Variants in CCDC148 observed in about 807,000 individuals in gnomAD.
CCDC148 encodes the protein coiled-coil domain containing 148, also known as coiled-coil domain-containing protein 148.
Under a neutral mutation model 85.7 loss-of-function variants are expected in CCDC148, and 89 were observed. The observed-to-expected ratio is 1.04, with a 90% confidence interval of 0.87 to 1.24. CCDC148 has a LOEUF of 1.24. CCDC148 is among the 50% of genes most tolerant of loss of function. The probability of loss-of-function intolerance (pLI) is 0.00; values close to 1 mark genes in which losing one functional copy is unlikely to be tolerated. For missense variants in CCDC148, 692 were observed against 671.7 expected (o/e 1.03, Z -0.33); for synonymous variants, 230 against 213.9 (o/e 1.08, Z -0.66).
At chr2:158,379,011 A>G (rs546038029) in intron 1 of CCDC148, among the ~76,000 whole-genome samples, 4 of 152,300 alleles carry the variant, frequency 2.6e-5, no homozygotes, top group Middle Eastern at 3.4e-3. Context: ...TTTAAGAAAC[A>G]CATTTCATAA....
At chr2:158,335,234 T>C (rs1682308994) in intron 7 of CCDC148, among the ~76,000 whole-genome samples, 1 of 152,198 alleles carries the variant, frequency 6.6e-6, no homozygotes, top group South Asian at 2.1e-4. Flanking sequence ...GTAACATCCA[T>C]GCAGAAGAAA....
intron 1 of CCDC148, among the ~76,000 whole-genome samples, chr2:158,436,591 T>C (rs1687662289): frequency 6.6e-6 from 1 of 151,948 alleles, no homozygotes; most frequent in Admixed American, 6.6e-5. Context: ...GCAAACACAT[T>C]CAAAAGCTAG....
At chr2:158,281,633 C>T (rs1269355894) in intron 9 of CCDC148, among the ~76,000 whole-genome samples, 1 of 152,134 alleles carries the variant, frequency 6.6e-6, no homozygotes, top group Admixed American at 6.6e-5. Context: ...TGGCAATAAT[C>T]AACAGCTTAC....
At chr2:158,452,176 G>C (rs543643308) in intron 1 of CCDC148, among the ~76,000 whole-genome samples, 26 of 152,282 alleles carry the variant, frequency 1.7e-4, no homozygotes, top group African/African-American at 6.3e-4. Context: ...GAGGCAATTA[G>C]AATTTTTGAC....
intron 2 of CCDC148, among the ~76,000 whole-genome samples, chr2:158,351,433 G>T (rs1423013653): frequency 6.8e-6 from 1 of 148,050 alleles, no homozygotes; most frequent in African/African-American, 2.5e-5. Flanking sequence ...GAAGCGCAAG[G>T]GGTCAGGGAG....
intron 9 of CCDC148, among the ~76,000 whole-genome samples, chr2:158,257,062 C>T (rs978218577): frequency 8.6e-5 from 13 of 151,484 alleles, no homozygotes; most frequent in African/African-American, 3.1e-4. Context: ...TTCTCTTCTG[C>T]CTCTTGCATT....
rs17805784 is a variant in CCDC148, at chr2:158,172,152, A to T, written c.1737T>A (p.Pro579=). The T allele has an allele frequency of 0.033, 53,468 of 1,608,640 alleles. 1,043 individuals are homozygous for T. The highest frequency in any genetic ancestry group is 0.048 in the Middle Eastern group (289 of 6,012). ...EILPKISPQK[P]PRKDMESTVF... is the part of the protein sequence containing the mutation. ...CAGTAGACTCCATGTCCTTTCTTGGAGGTTTTTGAGGACTAATTTTTGGTA... is the reference window on the plus strand; with the variant it reads ...CAGTAGACTCCATGTCCTTTCTTGGTGGTTTTTGAGGACTAATTTTTGGTA... Residue 579 remains proline, a synonymous_variant, in exon 14 of 14, where the codon CCT becomes CCA. Transcript: ENST00000283233.
At chr2:158,332,056 T>C (rs1203250239) in intron 7 of CCDC148, among the ~76,000 whole-genome samples, 1 of 152,170 alleles carries the variant, frequency 6.6e-6, no homozygotes, top group Non-Finnish European at 1.5e-5. Context: ...ATTATGATGT[T>C]AGCTGGTTAT....
At chr2:158,271,573 A>C (rs1689700417) in intron 9 of CCDC148, among the ~76,000 whole-genome samples, 1 of 152,182 alleles carries the variant, frequency 6.6e-6, no homozygotes, top group Non-Finnish European at 1.5e-5. Context: ...AGCACAGTAC[A>C]GTAAAGTATT....
At chr2:158,413,702 T>A (rs778812930) in intron 1 of CCDC148, among the ~76,000 whole-genome samples, 2 of 152,150 alleles carry the variant, frequency 1.3e-5, no homozygotes, top group Non-Finnish European at 2.9e-5. Flanking sequence ...TCATTCCGTC[T>A]CTGTTGTAAT....
intron 11 of CCDC148, chr2:158,207,573 C>A (rs1319065523): frequency 6.6e-6 from 1 of 152,114 alleles, no homozygotes; most frequent in African/African-American, 2.4e-5. Flanking sequence ...AAATGTTTAC[C>A]TTTTGGGGTC....
intron 2 of CCDC148, among the ~76,000 whole-genome samples, chr2:158,355,977 G>T (rs1014530054): frequency 7.4e-6 from 1 of 135,256 alleles, no homozygotes; most frequent in South Asian, 2.3e-4. Context: ...CAAGCAATGG[G>T]GAAAGGATTC....
intron 11 of CCDC148, among the ~76,000 whole-genome samples, chr2:158,187,795 T>G (rs1308899306): frequency 6.6e-6 from 1 of 152,048 alleles, no homozygotes; most frequent in Non-Finnish European, 1.5e-5. Context: ...GAAATCTGAC[T>G]TCAACTACAA....
intron 11 of CCDC148, chr2:158,207,368 A>G (rs551191200): frequency 6.6e-6 from 1 of 152,332 alleles, no homozygotes; most frequent in Admixed American, 6.5e-5. Flanking sequence ...ATATGGTGCT[A>G]TTTCTCACAA....
chr2:158,297,169 T>G (rs544663754), intron 9 of CCDC148, among the ~76,000 whole-genome samples: 1 of 152,334 alleles, frequency 6.6e-6, no homozygotes, highest in South Asian at 2.1e-4. Context: ...CCAGTTCTCA[T>G]AGTAAACTGG....
intron 11 of CCDC148, among the ~76,000 whole-genome samples, chr2:158,199,097 T>A (rs1685821389): frequency 6.6e-6 from 1 of 152,146 alleles, no homozygotes; most frequent in Non-Finnish European, 1.5e-5. Flanking sequence ...CAGCAAGGTA[T>A]GAATTAAGAA....
In CCDC148 at chr2:158,250,921, A is replaced by C. The variant is rs1452103536; in HGVS notation, c.1111-9T>G. On this transcript the variant is annotated splice_polypyrimidine_tract_variant and intron_variant, in intron 9 of 13. Transcript: ENST00000283233. ...GCTCGCCATTGACGAACCTGAAATA[A>C]AGAGAAAAACTTCATTCCAGTAACT... 1 of 1,592,376 alleles carries C rather than the reference A, an allele frequency of 6.3e-7. No individual in the cohort carries two copies.
chr2:158,216,539 G>GACACCT, intron 11 of CCDC148, among the ~76,000 whole-genome samples: 1 of 151,492 alleles, frequency 6.6e-6, no homozygotes, highest in East Asian at 1.9e-4. Context: ...TGGGATTACA[G>GACACCT]GTGCGTGCCA....
rs927818471 is a variant in CCDC148, at chr2:158,278,562, C to T, written c.1111-27650G>A. On this transcript the variant is annotated intron_variant, in intron 9 of 13. Transcript: ENST00000283233. ...CTGAGATCAAACTGCAAGGTGGCAG[C>T]GAGGCTGGGGGAGGGGCGCCCGCCA... is the stretch of plus-strand genomic sequence containing the variant. Among the ~76,000 whole-genome samples the T allele has an allele frequency of 8.5e-5, 13 of 152,270 alleles. No homozygotes were observed. The East Asian group carries it at 1.2e-3, about 14-fold the overall frequency.
Sources: gnomAD v4.1 joint callset for allele counts (sites outside exome capture counted in the v4.1 genomes callset) on GRCh38, gnomAD v4.1.1 for gene constraint, MANE v1.5 for transcripts, NCBI Gene and HGNC (gene_info 2026-07-23, HGNC 2026-07-21) for gene names.